SSBP3: variants seen among roughly 807,000 people sequenced by gnomAD.
SSBP3 encodes single stranded DNA binding protein 3.
SSBP3 carries 5 observed loss-of-function variants against 69.6 expected under a neutral mutation model. That is an observed-to-expected ratio of 0.07 (90% CI 0.04 to 0.15). The LOEUF is 0.15. Ranked by LOEUF, SSBP3 falls within the 10% of genes least tolerant of loss-of-function variation. The pLI is 1.00. For synonymous variants in SSBP3, 196 were observed against 193.4 expected (o/e 1.01, Z -0.11); for missense variants, 312 against 534.0 (o/e 0.58, Z 4.10).
chr1:54,277,210 C>A lies in SSBP3; in HGVS notation c.366+4228G>T, dbSNP rs138190194. 5.6e-3 allele frequency among the ~76,000 whole-genome samples: 848 copies of A among 152,182 alleles called. 5 individuals carry two copies. Among genetic ancestry groups the A allele is most frequent in the Middle Eastern group, 0.014 (4 of 294 alleles). ...GTACCACCACCGACACATTCACGTT[C>A]ATGGTAGACATTGCCAGTCACTATC... On this transcript the variant is annotated intron_variant, in intron 5 of 17. Transcript: ENST00000610401.
intron 11 of SSBP3, among the ~76,000 whole-genome samples, chr1:54,241,770 C>G (rs1267585435): frequency 6.6e-6 from 1 of 152,224 alleles, no homozygotes; most frequent in Non-Finnish European, 1.5e-5. Context: ...ATAGAAGGCC[C>G]TCCGGTTTGA....
At chr1:54,412,315 C>T (rs750360076) in intron 1 of SSBP3, among the ~76,000 whole-genome samples, 2 of 152,042 alleles carry the variant, frequency 1.3e-5, no homozygotes, top group Non-Finnish European at 2.9e-5. Flanking sequence ...GGCGACAGAA[C>T]GAAACTCTGT....
chr1:54,241,693 A>C (rs1247253475), intron 11 of SSBP3, among the ~76,000 whole-genome samples, 184 bp from the exon 12 acceptor site: 2 of 152,162 alleles, frequency 1.3e-5, no homozygotes, highest in Admixed American at 6.5e-5. Context: ...TGCTACATTG[A>C]ACTGACCCTG....
At chr1:54,382,238 A>G (rs1265824950) in intron 4 of SSBP3, among the ~76,000 whole-genome samples, 1 of 152,096 alleles carries the variant, frequency 6.6e-6, no homozygotes, top group African/African-American at 2.4e-5. Flanking sequence ...TAAGCATTTT[A>G]TTTTTATTTC....
chr1:54,348,338 C>T (rs975061928), intron 4 of SSBP3, among the ~76,000 whole-genome samples: 3 of 150,602 alleles, frequency 2.0e-5, no homozygotes, highest in Non-Finnish European at 2.9e-5. Flanking sequence ...AAGGAGCCTG[C>T]GGGTCAAGAG....
chr1:54,281,382 A>C (rs983385324), intron 5 of SSBP3, 56 bp downstream of exon 5: 3 of 1,444,424 alleles, frequency 2.1e-6, no homozygotes, highest in African/African-American at 2.8e-5. Context: ...CCACCTGCCC[A>C]GGGCCTCGGC....
chr1:54,363,236 C>G (rs967621627), intron 4 of SSBP3, among the ~76,000 whole-genome samples: 2 of 152,154 alleles, frequency 1.3e-5, no homozygotes, highest in African/African-American at 2.4e-5. Flanking sequence ...CAATCCAGAA[C>G]TGCAAACCTC....
upstream of SSBP3, among the ~76,000 whole-genome samples, chr1:54,411,053 C>T (rs1451359720): frequency 6.6e-6 from 1 of 152,188 alleles, no homozygotes; most frequent in East Asian, 1.9e-4. Flanking sequence ...TTCTCCTGAG[C>T]CAATTTGTCA....
intron 5 of SSBP3, among the ~76,000 whole-genome samples, chr1:54,277,156 G>C (rs1645302912): frequency 2.0e-5 from 3 of 151,800 alleles, no homozygotes; most frequent in Admixed American, 2.0e-4. Flanking sequence ...GAGAAGCTTG[G>C]ACTACATCAG....
At chr1:54,348,675 T>C (rs535619124) in intron 4 of SSBP3, among the ~76,000 whole-genome samples, 35 of 152,334 alleles carry the variant, frequency 2.3e-4, no homozygotes, top group Non-Finnish European at 4.0e-4. Flanking sequence ...TTCTACACGC[T>C]GCCTCACCTG....
intron 4 of SSBP3, among the ~76,000 whole-genome samples, chr1:54,308,847 C>T (rs144359389): frequency 6.6e-6 from 1 of 152,054 alleles, no homozygotes; most frequent in African/African-American, 2.4e-5. Flanking sequence ...AAGGTTAGCT[C>T]TGAAAACTAG....
At chr1:54,260,157 T>C (rs1403181469) in intron 5 of SSBP3, among the ~76,000 whole-genome samples, 4 of 152,118 alleles carry the variant, frequency 2.6e-5, no homozygotes, top group Non-Finnish European at 5.9e-5. Flanking sequence ...GGGTGTAATG[T>C]AAACAAAACA....
At chr1:54,240,129 G>A (rs1644602725) in intron 13 of SSBP3, among the ~76,000 whole-genome samples, 1 of 125,476 alleles carries the variant, frequency 8.0e-6, no homozygotes, top group Non-Finnish European at 1.7e-5. Context: ...CGCAACACAT[G>A]CCCACGTATG....
Position 54,262,848 on chromosome 1 carries a change from G to A in SSBP3, c.367-4699C>T, listed in dbSNP as rs1415307072. On this transcript the variant is annotated intron_variant, in intron 5 of 17. Coordinates refer to ENST00000610401, the Ensembl canonical transcript of SSBP3. ...GCCCTGGGGTAGACCTCAACATGGGGGAAAATCCCCACTCCTGAATCTGGG... is the reference window on the plus strand; with the variant it reads ...GCCCTGGGGTAGACCTCAACATGGGAGAAAATCCCCACTCCTGAATCTGGG... Among the ~76,000 whole-genome samples the A allele has an allele frequency of 3.3e-5, 5 of 152,182 alleles. No homozygotes were observed. The East Asian group carries it at 9.6e-4, about 29-fold the overall frequency.
chr1:54,300,054 C>T (rs10888844), intron 4 of SSBP3, among the ~76,000 whole-genome samples: 104,344 of 152,022 alleles, frequency 0.69, 36,008 homozygotes, highest in East Asian at 0.91. Context: ...TAATCAGTGA[C>T]ACCATCCAAT....
chr1:54,255,334 T>C (rs1644902489), intron 7 of SSBP3, among the ~76,000 whole-genome samples: 1 of 152,122 alleles, frequency 6.6e-6, no homozygotes, highest in Non-Finnish European at 1.5e-5. Flanking sequence ...ACCACAATTA[T>C]GATAAGGAAG....
At chr1:54,259,356 G>A (rs1209987474) in intron 5 of SSBP3, among the ~76,000 whole-genome samples, 1 of 152,168 alleles carries the variant, frequency 6.6e-6, no homozygotes, top group Non-Finnish European at 1.5e-5. Context: ...CCGGTTTTGT[G>A]TGTAAATATT....
chr1:54,335,710 G>A (rs985788960), intron 4 of SSBP3: 11 of 152,246 alleles, frequency 7.2e-5, no homozygotes, highest in Admixed American at 3.3e-4. Context: ...CTGTCCTCAG[G>A]AGCCAGGGAG....
intron 4 of SSBP3, among the ~76,000 whole-genome samples, chr1:54,329,415 C>T (rs886279446): frequency 4.6e-5 from 7 of 152,160 alleles, no homozygotes; most frequent in African/African-American, 1.7e-4. Context: ...AGGAGCATGC[C>T]TGCTGTGAAG....
Sources: allele counts gnomAD v4.1 joint callset (sites outside exome capture counted in the v4.1 genomes callset), GRCh38; gene constraint gnomAD v4.1.1; transcripts MANE v1.5; gene names NCBI Gene and HGNC (gene_info 2026-07-23, HGNC 2026-07-21).